Variants in ASB4 observed in about 807,000 individuals in gnomAD.
The protein encoded by ASB4 is ankyrin repeat and SOCS box protein 4.
ASB4 carries 35 observed loss-of-function variants against 38.6 expected under a neutral mutation model. The ratio of observed to expected loss-of-function variants is 0.91; its 90% confidence interval spans 0.69 to 1.20. The LOEUF (loss-of-function observed/expected upper bound fraction) is 1.20. Among genes scored for constraint, ASB4 ranks in the 50% most tolerant of loss-of-function variants. The pLI is 0.00. For synonymous variants in ASB4, 195 were observed against 201.3 expected, an observed-to-expected ratio of 0.97 and a Z score of 0.26; for missense variants, 557 against 527.2, an observed-to-expected ratio of 1.06 and a Z score of -0.55.
At chr7:95,534,357 G>A (rs1027913097) in intron 3 of ASB4, among the ~76,000 whole-genome samples, 6 of 151,182 alleles carry the variant, frequency 4.0e-5, no homozygotes, top group African/African-American at 1.2e-4. Flanking sequence ...AAAAAAAGAT[G>A]AACTATCCTC....
chr7:95,494,761 T>A (rs991746031), intron 1 of ASB4, among the ~76,000 whole-genome samples: 2 of 152,136 alleles, frequency 1.3e-5, no homozygotes, highest in African/African-American at 4.8e-5. Flanking sequence ...TGGCAATAGT[T>A]GCAGATTTAT....
chr7:95,470,976 T>A, the ASB4 span, among the ~76,000 whole-genome samples: 1 of 152,198 alleles, frequency 6.6e-6, no homozygotes, highest in Non-Finnish European at 1.5e-5. Flanking sequence ...GAGCCCTAAA[T>A]TCAACTCCTA....
downstream of ASB4, among the ~76,000 whole-genome samples, chr7:95,541,384 T>C (rs1790968311): frequency 1.3e-5 from 2 of 152,158 alleles, no homozygotes; most frequent in Non-Finnish European, 2.9e-5. Flanking sequence ...CATTATATTG[T>C]AGAGATAGGC....
chr7:95,534,258 G>T (rs749973401), intron 3 of ASB4, among the ~76,000 whole-genome samples: 1 of 151,796 alleles, frequency 6.6e-6, no homozygotes, highest in South Asian at 2.1e-4. Context: ...CAGGAGAATC[G>T]CTTGAACCCA....
chr7:95,539,266 G>A lies in ASB4; in HGVS notation c.*1507G>A, dbSNP rs889773319. The stretch of plus-strand genomic sequence containing the variant: ...GAGATGATGTCAGATATTCCAATAG[G>A]CTATCATTTAATGTTAACTGGCAAT... On this transcript the variant is annotated 3_prime_UTR_variant, in exon 5 of 5. Coordinates refer to ENST00000325885, the MANE Select transcript of ASB4 (RefSeq NM_016116.3). 2.0e-5 allele frequency: 3 copies of A among 152,112 alleles called. No homozygotes were observed. Among genetic ancestry groups the A allele is most frequent in the South Asian group, 4.1e-4 (2 of 4,824 alleles). 9.4% of individuals were successfully genotyped at this position (152,112 alleles called of 1,614,324 possible).
At chr7:95,506,868 C>G (rs1790417106) in intron 2 of ASB4, among the ~76,000 whole-genome samples, 1 of 151,938 alleles carries the variant, frequency 6.6e-6, no homozygotes, top group Admixed American at 6.6e-5. Context: ...TATATGCTCT[C>G]TTTCTTGAAT....
upstream of ASB4, among the ~76,000 whole-genome samples, chr7:95,475,763 T>A (rs1789971197): frequency 6.6e-6 from 1 of 152,194 alleles, no homozygotes. Context: ...TGTATTCCAG[T>A]GTCATCTTCT....
chr7:95,474,980 G>A (rs759242362), upstream of ASB4, among the ~76,000 whole-genome samples: 1 of 152,188 alleles, frequency 6.6e-6, no homozygotes, highest in Non-Finnish European at 1.5e-5. Context: ...AGATACTTTT[G>A]CAATATGATC....
chr7:95,513,293 A>ATG (rs3046862), intron 2 of ASB4, among the ~76,000 whole-genome samples: 3,518 of 89,158 alleles, frequency 0.039, 141 homozygotes, highest in African/African-American at 0.097. Flanking sequence ...AGCCAATAGA[A>ATG]TGTGTGTGTG....
At chr7:95,513,231 G>A (rs763099294) in intron 2 of ASB4, among the ~76,000 whole-genome samples, 9 of 146,230 alleles carry the variant, frequency 6.2e-5, no homozygotes, top group Non-Finnish European at 1.2e-4. Flanking sequence ...CCCACTGTCA[G>A]GGTTTTTTTT....
chr7:95,538,660 G>T lies in ASB4; in HGVS notation c.*901G>T, dbSNP rs986692170. 3.3e-5 allele frequency: 5 copies of T among 152,082 alleles called. No homozygotes were observed. The highest frequency in any genetic ancestry group is 1.3e-4 in the Admixed American group (2 of 15,250). The allele number at this position is 152,082 out of a possible 1,614,324, so 9.4% of individuals were successfully genotyped here. ...CTGCTCTTGTTAGGGTATTTTTAAG[G>T]TTTTTTCTAGATAGTGTGTCTTTTT... On this transcript the variant is annotated 3_prime_UTR_variant, in exon 5 of 5. Transcript: ENST00000325885.
At chr7:95,522,564 A>G (rs981635802) in intron 2 of ASB4, among the ~76,000 whole-genome samples, 4 of 152,166 alleles carry the variant, frequency 2.6e-5, no homozygotes, top group Admixed American at 6.5e-5. Context: ...TTATGTGTAG[A>G]TGATACTCTC....
chr7:95,509,058 G>A (rs1362394206), intron 2 of ASB4, among the ~76,000 whole-genome samples: 1 of 152,184 alleles, frequency 6.6e-6, no homozygotes, highest in African/African-American at 2.4e-5. Flanking sequence ...GGGGAGACCA[G>A]GAGATTGGGT....
chr7:95,528,627 T>C, intron 3 of ASB4: 1 of 1,273,962 alleles, frequency 7.8e-7, no homozygotes, highest in Non-Finnish European at 9.9e-7. Context: ...TAGACAGGCA[T>C]ACATTTGCCA....
chr7:95,508,053 T>C (rs1192595133), intron 2 of ASB4, among the ~76,000 whole-genome samples: 1 of 151,970 alleles, frequency 6.6e-6, no homozygotes, highest in Non-Finnish European at 1.5e-5. Context: ...GAAAATGGGT[T>C]TGAACTTATT....
intron 2 of ASB4, among the ~76,000 whole-genome samples, chr7:95,499,966 C>T (rs569148736): frequency 6.8e-6 from 1 of 147,680 alleles, no homozygotes; most frequent in Non-Finnish European, 1.5e-5. Flanking sequence ...CTCTGCCTCC[C>T]GGGTTCACGC....
At chr7:95,521,519 T>G (rs1790661559) in intron 2 of ASB4, among the ~76,000 whole-genome samples, 1 of 152,038 alleles carries the variant, frequency 6.6e-6, no homozygotes, top group Non-Finnish European at 1.5e-5. Flanking sequence ...TGGTTGAAAA[T>G]GTTCATACAT....
chr7:95,493,162 C>T (rs544073878), intron 1 of ASB4, among the ~76,000 whole-genome samples: 1 of 152,150 alleles, frequency 6.6e-6, no homozygotes, highest in Admixed American at 6.6e-5. Flanking sequence ...GAATTTAATT[C>T]TATTAGCTGA....
intron 4 of ASB4, 139 bp downstream of exon 4, chr7:95,536,689 A>G: frequency 1.8e-6 from 1 of 542,684 alleles, no homozygotes; most frequent in East Asian, 3.1e-5. Flanking sequence ...ACAAAGGGTT[A>G]TAAAATGCAG....
Sources: allele counts gnomAD v4.1 joint callset (sites outside exome capture counted in the v4.1 genomes callset), GRCh38; gene constraint gnomAD v4.1.1; transcripts MANE v1.5; gene names NCBI Gene and HGNC (gene_info 2026-07-23, HGNC 2026-07-21).